Variants in UVRAG observed in about 807,000 individuals in gnomAD.
The protein encoded by UVRAG is UV radiation resistance-associated gene protein.
A neutral mutation model predicts 78.0 loss-of-function variants in UVRAG; 19 were observed. The observed-to-expected ratio is 0.24, with a 90% CI of 0.17 to 0.36. UVRAG has a LOEUF of 0.36. Among genes scored for constraint, UVRAG ranks in the 10% least tolerant of loss-of-function variants. The pLI, the probability that UVRAG is intolerant of heterozygous loss-of-function variation, is 1.00. For missense variants in UVRAG, 740 were observed against 853.8 expected (o/e 0.87, Z 1.66); for synonymous variants, 323 against 324.6 (o/e 1.00, Z 0.05).
chr11:76,014,381 T>C (rs540942289), intron 11 of UVRAG, among the ~76,000 whole-genome samples: 2 of 152,306 alleles, frequency 1.3e-5, no homozygotes, highest in African/African-American at 2.4e-5. Flanking sequence ...TCAGGTCATA[T>C]AGGAAAGGAA....
chr11:75,887,241 G>T (rs1042036043), intron 4 of UVRAG, among the ~76,000 whole-genome samples: 7 of 152,080 alleles, frequency 4.6e-5, no homozygotes, highest in African/African-American at 1.7e-4. Flanking sequence ...CGCCTCCCGG[G>T]TACAAGCGAT....
At chr11:76,011,176 A>G (rs1305783748) in intron 11 of UVRAG, among the ~76,000 whole-genome samples, 1 of 152,222 alleles carries the variant, frequency 6.6e-6, no homozygotes, top group East Asian at 1.9e-4. Context: ...TTAATAAATT[A>G]GTGTAGCTTT....
chr11:76,031,768 T>C (rs1449643890), intron 12 of UVRAG, among the ~76,000 whole-genome samples: 1 of 152,208 alleles, frequency 6.6e-6, no homozygotes, highest in Non-Finnish European at 1.5e-5. Context: ...TAGTGGGGTA[T>C]GTCCCACATT....
intron 14 of UVRAG, among the ~76,000 whole-genome samples, chr11:76,140,300 A>T (rs899811200): frequency 2.6e-5 from 4 of 151,950 alleles, no homozygotes; most frequent in African/African-American, 9.7e-5. Context: ...TTTCAAAGCT[A>T]AAATAAGAAT....
chr11:76,057,259 T>C (rs1441659697), intron 12 of UVRAG, among the ~76,000 whole-genome samples: 1 of 152,194 alleles, frequency 6.6e-6, no homozygotes, highest in East Asian at 1.9e-4. Context: ...GGGGAAAATG[T>C]CCATTGTTAA....
intron 3 of UVRAG, among the ~76,000 whole-genome samples, chr11:75,863,472 T>G (rs1946467231): frequency 6.6e-6 from 1 of 152,212 alleles, no homozygotes. Context: ...CCCAGATTTG[T>G]GTTATAATAG....
chr11:76,100,595 CA>C (rs1366634048), intron 13 of UVRAG, among the ~76,000 whole-genome samples: 1 of 152,118 alleles, frequency 6.6e-6, no homozygotes, highest in Non-Finnish European at 1.5e-5. Flanking sequence ...ACAAATTTAG[CA>C]GTTTAAACAA....
chr11:75,992,326 T>A (rs1307144564), intron 8 of UVRAG, among the ~76,000 whole-genome samples: 1 of 152,238 alleles, frequency 6.6e-6, no homozygotes, highest in Non-Finnish European at 1.5e-5. Context: ...AAGTTAAATA[T>A]GTATTTGTCA....
At chr11:76,126,938 C>T (rs943672474) in intron 14 of UVRAG, among the ~76,000 whole-genome samples, 4 of 152,204 alleles carry the variant, frequency 2.6e-5, no homozygotes, top group Admixed American at 1.3e-4. Context: ...CCAACACACA[C>T]GTACACTGCC....
At chr11:75,854,050 A>G (rs1479158550) in intron 2 of UVRAG, among the ~76,000 whole-genome samples, 1 of 152,222 alleles carries the variant, frequency 6.6e-6, no homozygotes, top group Non-Finnish European at 1.5e-5. Context: ...TGCTGGGATT[A>G]CAGGTGTGAG....
Position 76,076,197 on chromosome 11 carries a change from A to G in UVRAG, c.1305+10409A>G, listed in dbSNP as rs1445578876. Among the ~76,000 whole-genome samples the G allele has an allele frequency of 2.6e-5, 4 of 152,204 alleles. No homozygotes were observed. In the East Asian group the frequency reaches 7.7e-4, roughly 29 times the overall value. ...TTCTAAAGTGGCAACACCATTTTAC[A>G]TTCCCACTACTAATGTACAAAGGTT... On this transcript the variant is annotated intron_variant, in intron 13 of 14. Coordinates refer to ENST00000356136, the MANE Select transcript of UVRAG (RefSeq NM_003369.4).
At chr11:76,068,946 T>C (rs73001580) in intron 13 of UVRAG, among the ~76,000 whole-genome samples, 101 of 152,294 alleles carry the variant, frequency 6.6e-4, no homozygotes, top group Non-Finnish European at 1.1e-3. Flanking sequence ...ACCTCAGTAA[T>C]TTATAAGCCA....
intron 6 of UVRAG, among the ~76,000 whole-genome samples, chr11:75,934,737 C>T (rs1232009328): frequency 6.6e-6 from 1 of 152,104 alleles, no homozygotes; most frequent in Non-Finnish European, 1.5e-5. Flanking sequence ...CTAAAATGTT[C>T]TACATTTTAT....
chr11:75,930,019 T>C (rs1438289611), intron 6 of UVRAG, among the ~76,000 whole-genome samples: 1 of 152,248 alleles, frequency 6.6e-6, no homozygotes, highest in East Asian at 1.9e-4. Flanking sequence ...TACATTATCA[T>C]ATAGATACCT....
intron 8 of UVRAG, among the ~76,000 whole-genome samples, chr11:75,985,967 CTTAA>C (rs1404464307): frequency 6.6e-6 from 1 of 152,064 alleles, no homozygotes; most frequent in Non-Finnish European, 1.5e-5. Context: ...AGTTCTTCAG[CTTAA>C]TTGTTTTTCT....
chr11:76,082,849 A>G (rs1188122295), intron 13 of UVRAG, among the ~76,000 whole-genome samples: 1 of 152,076 alleles, frequency 6.6e-6, no homozygotes. Flanking sequence ...GAGCAACATG[A>G]TGAAACCTCA....
intron 1 of UVRAG, among the ~76,000 whole-genome samples, chr11:75,848,099 G>A (rs920943399): frequency 6.6e-6 from 1 of 151,456 alleles, no homozygotes. Context: ...TTGGGAGACT[G>A]AGGTGGGAGG....
intron 1 of UVRAG, among the ~76,000 whole-genome samples, chr11:75,850,675 T>A (rs1565345148): frequency 6.6e-6 from 1 of 152,234 alleles, no homozygotes; most frequent in Non-Finnish European, 1.5e-5. Context: ...TTTAAAGTTT[T>A]GACTGAAAGG....
chr11:75,830,721 A>G (rs566733067), intron 1 of UVRAG, among the ~76,000 whole-genome samples: 162 of 152,346 alleles, frequency 1.1e-3, no homozygotes, highest in Middle Eastern at 6.8e-3. Context: ...AGCTCTGTGC[A>G]CATTTTTAAC....
Sources: allele counts gnomAD v4.1 joint callset (sites outside exome capture counted in the v4.1 genomes callset), GRCh38; gene constraint gnomAD v4.1.1; transcripts MANE v1.5; gene names NCBI Gene and HGNC (gene_info 2026-07-23, HGNC 2026-07-21).